CNTNAP2: variants seen among roughly 807,000 people sequenced by gnomAD.
CNTNAP2 encodes contactin associated protein 2.
Under a neutral mutation model 155.2 loss-of-function variants are expected in CNTNAP2, and 98 were observed. That is an observed-to-expected ratio of 0.63 (90% CI 0.54 to 0.75). CNTNAP2 has a LOEUF of 0.75. Among genes scored for constraint, CNTNAP2 ranks in the 30% least tolerant of loss-of-function variants. CNTNAP2 has a pLI of 0.00. For synonymous variants in CNTNAP2, 651 were observed against 631.2 expected, an observed-to-expected ratio of 1.03 and a Z score of -0.47; for missense variants, 1,727 against 1,688.1, an observed-to-expected ratio of 1.02 and a Z score of -0.40.
At chr7:147,731,707 T>TA (rs1796742532) in intron 13 of CNTNAP2, among the ~76,000 whole-genome samples, 1 of 152,046 alleles carries the variant, frequency 6.6e-6, no homozygotes, top group Admixed American at 6.6e-5. Context: ...CCAAACAGAG[T>TA]GATTTCTCTA....
chr7:148,204,985 C>A (rs1795425670), intron 18 of CNTNAP2, among the ~76,000 whole-genome samples: 1 of 152,186 alleles, frequency 6.6e-6, no homozygotes, highest in African/African-American at 2.4e-5. Flanking sequence ...CCATTGGCAC[C>A]TATTGGAACT....
chr7:147,372,069 A>G (rs1199571102), intron 9 of CNTNAP2, among the ~76,000 whole-genome samples: 1 of 152,250 alleles, frequency 6.6e-6, no homozygotes, highest in Middle Eastern at 3.4e-3. Flanking sequence ...ACACAGTGAC[A>G]GTAGGCTAAA....
intron 8 of CNTNAP2, among the ~76,000 whole-genome samples, chr7:147,170,108 G>T (rs1160953655): frequency 6.6e-6 from 1 of 152,054 alleles, no homozygotes; most frequent in East Asian, 1.9e-4. Flanking sequence ...ATTGAGTATA[G>T]TCAGTTGACT....
intron 4 of CNTNAP2, among the ~76,000 whole-genome samples, chr7:147,046,429 G>A (rs1413801307): frequency 2.0e-5 from 3 of 152,134 alleles, no homozygotes; most frequent in Non-Finnish European, 2.9e-5. Flanking sequence ...AATTATCTGT[G>A]CTGATATTAG....
rs5888245 is a variant in CNTNAP2, at chr7:147,247,965, TA to T, written c.1349-52173del. On this transcript the variant is annotated intron_variant, in intron 8 of 23. Transcript: ENST00000361727. ...TTTAAAAAAAGGTATAAGGGGATGA[TA>T]AAGAGGAGGCCAGAAAGAAAAGAAA... Among the ~76,000 whole-genome samples, 1,102 of 152,220 alleles carry T rather than the reference TA, an allele frequency of 7.2e-3. 8 individuals carry two copies. The highest frequency in any genetic ancestry group is 0.025 in the African/African-American group (1,047 of 41,526).
At chr7:147,165,767 A>T (rs1443865374) in intron 8 of CNTNAP2, among the ~76,000 whole-genome samples, 1 of 152,130 alleles carries the variant, frequency 6.6e-6, no homozygotes, top group East Asian at 1.9e-4. Context: ...GCTTTGTTGA[A>T]GATCAGTTGG....
intron 1 of CNTNAP2, among the ~76,000 whole-genome samples, chr7:146,429,559 C>G (rs571182680): frequency 6.6e-6 from 1 of 151,874 alleles, no homozygotes; most frequent in East Asian, 1.9e-4. Context: ...ATGCTAGAAA[C>G]GTTTTCACAT....
chr7:146,875,310 A>G (rs994355956), intron 3 of CNTNAP2, among the ~76,000 whole-genome samples: 2 of 152,170 alleles, frequency 1.3e-5, no homozygotes, highest in African/African-American at 4.8e-5. Context: ...AAACAAGATT[A>G]TATCTTAGGA....
chr7:146,837,292 A>G (rs893793356), intron 2 of CNTNAP2, among the ~76,000 whole-genome samples: 2 of 151,996 alleles, frequency 1.3e-5, no homozygotes, highest in African/African-American at 4.8e-5. Flanking sequence ...GATGCCTTAT[A>G]TGGCCCTACA....
chr7:146,919,617 G>A (rs1796459304), intron 3 of CNTNAP2, among the ~76,000 whole-genome samples: 1 of 152,178 alleles, frequency 6.6e-6, no homozygotes, highest in Admixed American at 6.5e-5. Flanking sequence ...CTCTGTTAGG[G>A]TCCTTGGTTG....
chr7:146,379,793 T>G (rs778716308), intron 1 of CNTNAP2, among the ~76,000 whole-genome samples: 1 of 152,136 alleles, frequency 6.6e-6, no homozygotes, highest in Non-Finnish European at 1.5e-5. Flanking sequence ...GACGATAATT[T>G]GGGTCACGTC....
At chr7:148,273,934 T>C (rs573184541) in intron 21 of CNTNAP2, among the ~76,000 whole-genome samples, 242 of 152,292 alleles carry the variant, frequency 1.6e-3, no homozygotes, top group African/African-American at 5.6e-3. Context: ...TCTAAAACTT[T>C]CTGGAGCTTT....
intron 9 of CNTNAP2, among the ~76,000 whole-genome samples, chr7:147,312,892 T>C (rs541452060): frequency 7.6e-6 from 1 of 131,910 alleles, no homozygotes; most frequent in South Asian, 2.7e-4. Flanking sequence ...TGTAAAAGTG[T>C]TTCTATTTCT....
At chr7:146,966,328 G>A (rs572775078) in intron 3 of CNTNAP2, among the ~76,000 whole-genome samples, 10 of 152,274 alleles carry the variant, frequency 6.6e-5, no homozygotes, top group African/African-American at 1.9e-4. Flanking sequence ...ACCCATGCCT[G>A]TACAATATTT....
intron 1 of CNTNAP2, among the ~76,000 whole-genome samples, chr7:146,117,842 G>C (rs1447096951): frequency 6.6e-6 from 1 of 152,014 alleles, no homozygotes; most frequent in East Asian, 1.9e-4. Context: ...TGTTCCTTTG[G>C]TTCAGAAAGA....
chr7:147,352,828 C>T (rs1795989494), intron 9 of CNTNAP2, among the ~76,000 whole-genome samples: 2 of 151,882 alleles, frequency 1.3e-5, no homozygotes, highest in South Asian at 4.1e-4. Context: ...TTGCCATTAG[C>T]ATGCTAAATA....
intron 11 of CNTNAP2, among the ~76,000 whole-genome samples, chr7:147,534,078 A>G (rs933040584): frequency 2.0e-5 from 3 of 152,182 alleles, no homozygotes; most frequent in South Asian, 4.1e-4. Flanking sequence ...TGGAGGCTCA[A>G]CCTGATTTTG....
At chr7:148,023,203 C>CA (rs1374584630) in intron 15 of CNTNAP2, among the ~76,000 whole-genome samples, 1 of 152,108 alleles carries the variant, frequency 6.6e-6, no homozygotes, top group African/African-American at 2.4e-5. Context: ...AAAGGGGAGA[C>CA]AAATGTCTCT....
intron 1 of CNTNAP2, among the ~76,000 whole-genome samples, chr7:146,765,958 C>A (rs1046825267): frequency 2.0e-5 from 3 of 151,934 alleles, no homozygotes; most frequent in Admixed American, 6.6e-5. Context: ...AGCTTAGTGA[C>A]CCAGAGAAGG....
Sources: allele counts gnomAD v4.1 joint callset (sites outside exome capture counted in the v4.1 genomes callset), GRCh38; gene constraint gnomAD v4.1.1; transcripts MANE v1.5; gene names NCBI Gene and HGNC (gene_info 2026-07-23, HGNC 2026-07-21).